Variants in ERC1 observed in about 807,000 individuals in gnomAD.
ERC1 encodes ELKS/RAB6-interacting/CAST family member 1, also known as RAB6 interacting protein 2.
In ERC1, 56 loss-of-function variants were observed where a neutral mutation model predicts 132.0. The observed-to-expected ratio is 0.42, with a 90% CI of 0.34 to 0.53. The LOEUF (loss-of-function observed/expected upper bound fraction) is 0.53. ERC1 is among the 20% of genes least tolerant of loss of function. ERC1 has a pLI of 0.03. For missense variants in ERC1, 1,202 were observed against 1,349.9 expected, an observed-to-expected ratio of 0.89 and a Z score of 1.72; for synonymous variants, 478 against 476.1, an observed-to-expected ratio of 1.00 and a Z score of -0.05.
At chr12:1,441,725 AAAG>A (rs1404976416) in intron 17 of ERC1, among the ~76,000 whole-genome samples, 2 of 152,184 alleles carry the variant, frequency 1.3e-5, no homozygotes, top group African/African-American at 4.8e-5. Context: ...TGTATTCATG[AAAG>A]AAGATAGAGA....
intron 15 of ERC1, among the ~76,000 whole-genome samples, chr12:1,328,214 A>G (rs1394080216): frequency 6.6e-6 from 1 of 151,866 alleles, no homozygotes; most frequent in Non-Finnish European, 1.5e-5. Context: ...TGGCATAATC[A>G]CTGGTCACTG....
chr12:1,404,972 CTACT>C (rs974532216), intron 16 of ERC1, among the ~76,000 whole-genome samples: 24 of 150,604 alleles, frequency 1.6e-4, no homozygotes, highest in African/African-American at 4.0e-4. Flanking sequence ...AACCCTGTCT[CTACT>C]AAAAATACAA....
chr12:1,043,306 G>C (rs539349227), intron 2 of ERC1, among the ~76,000 whole-genome samples: 24 of 152,230 alleles, frequency 1.6e-4, no homozygotes, highest in African/African-American at 5.8e-4. Context: ...GCCTCCCAAA[G>C]TGCTGAGATT....
intron 15 of ERC1, among the ~76,000 whole-genome samples, chr12:1,350,506 G>A (rs2084903557): frequency 6.6e-6 from 1 of 152,162 alleles, no homozygotes; most frequent in Non-Finnish European, 1.5e-5. Context: ...CCATACCACA[G>A]TAGGAATGGC....
At chr12:1,073,087 G>T (rs1940699183) in intron 2 of ERC1, among the ~76,000 whole-genome samples, 1 of 152,100 alleles carries the variant, frequency 6.6e-6, no homozygotes, top group Admixed American at 6.5e-5. Context: ...AGATCATGAG[G>T]TCAAGAGATC....
intron 2 of ERC1, among the ~76,000 whole-genome samples, chr12:1,080,484 T>C (rs1034654323): frequency 2.6e-5 from 4 of 152,218 alleles, no homozygotes; most frequent in Non-Finnish European, 5.9e-5. Context: ...TGAAAATCAT[T>C]AGCAGGTGAT....
intron 16 of ERC1, among the ~76,000 whole-genome samples, chr12:1,394,324 T>C (rs374943313): frequency 8.8e-5 from 13 of 148,416 alleles, no homozygotes; most frequent in East Asian, 6.3e-4. Flanking sequence ...GGTGTGAACC[T>C]GGGAGGCGGA....
intron 17 of ERC1, among the ~76,000 whole-genome samples, chr12:1,414,860 G>C (rs1183517588): frequency 6.6e-6 from 1 of 151,832 alleles, no homozygotes; most frequent in Non-Finnish European, 1.5e-5. Context: ...GTGTGTGTCT[G>C]TGTGTGTGTG....
chr12:1,453,161 C>T (rs1183586592), intron 18 of ERC1, among the ~76,000 whole-genome samples: 1 of 152,190 alleles, frequency 6.6e-6, no homozygotes, highest in East Asian at 1.9e-4. Context: ...GGTCTTGGTA[C>T]TTCTGTCCCA....
chr12:1,257,619 A>G (rs559839051), intron 13 of ERC1, among the ~76,000 whole-genome samples: 5 of 152,286 alleles, frequency 3.3e-5, no homozygotes, highest in South Asian at 2.1e-4. Flanking sequence ...TTTATTACCT[A>G]TATAACTCAT....
chr12:1,258,770 T>C (rs2076964148), intron 13 of ERC1, among the ~76,000 whole-genome samples: 1 of 152,254 alleles, frequency 6.6e-6, no homozygotes, highest in Non-Finnish European at 1.5e-5. Flanking sequence ...CTTATCATAA[T>C]TCTGACCCAC....
In ERC1 at chr12:1,475,558, A is replaced by G. The variant is rs562658381; in HGVS notation, c.3214-14535A>G. Among the ~76,000 whole-genome samples the G allele has an allele frequency of 5.3e-5, 8 of 152,320 alleles. No individual in the cohort carries two copies. In the East Asian group the frequency reaches 1.5e-3, roughly 29 times the overall value. On this transcript the variant is annotated intron_variant, in intron 18 of 18. Transcript: ENST00000360905. ...AGAAGAAAGATGTGTAGGAAGTAAG[A>G]TTGTCCACATTCTAGAATGAGAGGA... is the stretch of plus-strand genomic sequence containing the variant.
intron 8 of ERC1, chr12:1,152,744 A>T (rs1209791140): frequency 6.4e-6 from 1 of 155,220 alleles, no homozygotes; most frequent in African/African-American, 2.4e-5. Flanking sequence ...ACGTGATGCT[A>T]GAAGACAGCC....
intron 8 of ERC1, among the ~76,000 whole-genome samples, chr12:1,154,135 A>G (rs1274815920): frequency 1.3e-5 from 2 of 151,848 alleles, no homozygotes; most frequent in Admixed American, 6.6e-5. Context: ...GATGGCCTCC[A>G]GTTCCATCCA....
rs368598981 is a variant in ERC1, at chr12:1,180,280, TGTGC to T, written c.1738-258_1738-255del. On this transcript the variant is annotated intron_variant, in intron 8 of 18. Transcript: ENST00000360905. ...GTGTGTGTGTGTGTGTGTGTGTGTG[TGTGC>T]GCGCACGCGTGTGCGCGCGCGCATA... is the stretch of plus-strand genomic sequence containing the variant. Among the ~76,000 whole-genome samples the T allele has an allele frequency of 9.2e-4, 130 of 140,822 alleles. No individual in the cohort carries two copies. The East Asian group carries it at 9.2e-3, about 10-fold the overall frequency. 92.4% of individuals were successfully genotyped at this position (140,822 alleles called of 152,430 possible). A position where few individuals can be genotyped will look rare whatever the true frequency, so the allele number is the denominator to read the frequency against.
chr12:1,037,153 AAT>A (rs1325887485), intron 2 of ERC1, among the ~76,000 whole-genome samples: 1 of 152,244 alleles, frequency 6.6e-6, no homozygotes, highest in African/African-American at 2.4e-5. Context: ...ATGTTGCACA[AAT>A]ATGAGATAGG....
chr12:1,400,748 A>G (rs752117130), intron 16 of ERC1, among the ~76,000 whole-genome samples: 3 of 151,996 alleles, frequency 2.0e-5, no homozygotes, highest in Non-Finnish European at 2.9e-5. Flanking sequence ...TAAAAAAATG[A>G]TGATTTGTTT....
At chr12:1,412,340 T>TACTG (rs2091896932) in intron 17 of ERC1, among the ~76,000 whole-genome samples, 1 of 152,230 alleles carries the variant, frequency 6.6e-6, no homozygotes, top group African/African-American at 2.4e-5. Context: ...CACCAATACA[T>TACTG]ACTGATCAAG....
At chr12:1,145,962 T>G (rs1950306062) in intron 8 of ERC1, among the ~76,000 whole-genome samples, 1 of 152,202 alleles carries the variant, frequency 6.6e-6, no homozygotes, top group Non-Finnish European at 1.5e-5. Context: ...CCATGATTGG[T>G]TTTGGCGACT....
Sources: allele counts gnomAD v4.1 joint callset (sites outside exome capture counted in the v4.1 genomes callset), GRCh38; gene constraint gnomAD v4.1.1; transcripts MANE v1.5; gene names NCBI Gene and HGNC (gene_info 2026-07-23, HGNC 2026-07-21).